Variants in NVL observed in about 807,000 individuals in gnomAD.
NVL encodes the protein nuclear valosin-containing protein-like.
NVL carries 84 observed loss-of-function variants against 110.2 expected under a neutral mutation model. The observed-to-expected ratio is 0.76, with a 90% confidence interval of 0.64 to 0.91. The LOEUF (loss-of-function observed/expected upper bound fraction) is 0.91. Among genes scored for constraint, NVL ranks in the 40% least tolerant of loss-of-function variants. NVL has a pLI of 0.00. For missense variants in NVL, 882 were observed against 1,035.9 expected (o/e 0.85, Z 2.04); for synonymous variants, 354 against 361.1 (o/e 0.98, Z 0.22).
intron 2 of NVL, among the ~76,000 whole-genome samples, chr1:224,324,146 T>C (rs1229293004): frequency 6.6e-6 from 1 of 152,226 alleles, no homozygotes; most frequent in African/African-American, 2.4e-5. Flanking sequence ...CAGCACATTA[T>C]TGTACTAAAT....
At chr1:224,326,886 C>T (rs1671197064) in intron 1 of NVL, among the ~76,000 whole-genome samples, 1 of 152,228 alleles carries the variant, frequency 6.6e-6, no homozygotes, top group East Asian at 1.9e-4. Flanking sequence ...CACCTTTTGG[C>T]TGGGCATGGT....
intron 22 of NVL, among the ~76,000 whole-genome samples, chr1:224,228,943 A>AAG (rs1659535306): frequency 6.6e-6 from 1 of 150,386 alleles, no homozygotes; most frequent in South Asian, 2.1e-4. Context: ...AAAAAAAAAA[A>AAG]AAAGAAATTG....
intron 11 of NVL, 33 bp from the exon 12 acceptor site, chr1:224,294,444 A>G (rs1198159276): frequency 1.2e-6 from 2 of 1,609,330 alleles, no homozygotes; most frequent in Non-Finnish European, 1.7e-6. Context: ...TAGTGAACAA[A>G]GCACTTGACA....
chr1:224,309,739 A>G (rs1669322137), intron 5 of NVL, among the ~76,000 whole-genome samples: 1 of 152,122 alleles, frequency 6.6e-6, no homozygotes, highest in Admixed American at 6.6e-5. Flanking sequence ...TTTAAGAAAT[A>G]AAGTGTATGC....
At chr1:224,248,150 A>T (rs1331186560) in intron 19 of NVL, among the ~76,000 whole-genome samples, 3 of 152,154 alleles carry the variant, frequency 2.0e-5, no homozygotes, top group African/African-American at 7.2e-5. Flanking sequence ...CCAGACCTCT[A>T]ATCCTGGTAG....
chr1:224,233,047 T>A, intron 21 of NVL, 154 bp downstream of exon 21: 1 of 560,694 alleles, frequency 1.8e-6, no homozygotes, highest in Non-Finnish European at 3.1e-6. Flanking sequence ...CAACAGAGGT[T>A]ACCTAATATT....
intron 15 of NVL, among the ~76,000 whole-genome samples, chr1:224,281,713 G>A (rs1238592226): frequency 6.6e-6 from 1 of 151,642 alleles, no homozygotes. Flanking sequence ...AGCACTTTGG[G>A]AGGCCGAGGC....
At chr1:224,294,641 AAAT>A (rs1434928172) in intron 11 of NVL, among the ~76,000 whole-genome samples, 4 of 152,204 alleles carry the variant, frequency 2.6e-5, no homozygotes, top group Non-Finnish European at 5.9e-5. Context: ...TTGAGTGTGT[AAAT>A]AAAAAAATGG....
chr1:224,292,853 C>G (rs1339125628), intron 12 of NVL, among the ~76,000 whole-genome samples: 2 of 151,790 alleles, frequency 1.3e-5, no homozygotes, highest in Non-Finnish European at 2.9e-5. Flanking sequence ...CAGGTTCAAG[C>G]GATTCCCCTA....
intron 17 of NVL, among the ~76,000 whole-genome samples, chr1:224,268,872 G>A (rs1227653192): frequency 1.3e-5 from 2 of 150,850 alleles, no homozygotes; most frequent in Admixed American, 6.6e-5. Flanking sequence ...TGGTCAGGCT[G>A]GTCTTCAAAC....
rs972036348 is a variant in NVL, at chr1:224,289,718, C to A, written c.1341G>T (p.Leu447Phe). 1 of 1,613,692 alleles carries A rather than the reference C, an allele frequency of 6.2e-7. No homozygotes were observed. The highest frequency in any genetic ancestry group is 1.3e-5 in the African/African-American group (1 of 75,026). The change falls in exon 13 of 23, where the codon TTG becomes TTT. Residue 447 changes from leucine (L) to phenylalanine (F), a missense_variant. Physicochemically the swap from Leu to Phe is conservative, Grantham distance 22 (BLOSUM62 0). This residue lies in a region of NVL where 416 missense variants were observed against 499.3 expected (regional missense o/e 0.83). Transcript: ENST00000281701. ...EASRERILQTLCRKLRLPQAF... is the reference protein window; with the variant it reads ...EASRERILQTFCRKLRLPQAF... ...CTTGAGGAAGCCTCAGTTTTCTGCA[C>A]AATGTTTGAAGTATTCTGTAGAAAA...
Position 224,248,055 on chromosome 1 carries a change from T to C in NVL, c.2289+2157A>G, listed in dbSNP as rs114082858. Among the ~76,000 whole-genome samples the C allele has an allele frequency of 8.4e-3, 1,272 of 152,268 alleles. 14 individuals are homozygous for C. The highest frequency in any genetic ancestry group is 0.029 in the African/African-American group (1,211 of 41,576). ...CTATAGCCCAGCCAGAGGACTCTCC[T>C]GAACTCCCAACCACAGACCCAACAT... is the stretch of plus-strand genomic sequence containing the variant. On this transcript the variant is annotated intron_variant, in intron 19 of 22. Coordinates refer to ENST00000281701, the MANE Select transcript of NVL (RefSeq NM_002533.4).
intron 18 of NVL, among the ~76,000 whole-genome samples, chr1:224,264,456 C>CA (rs1201808960): frequency 6.6e-6 from 1 of 152,046 alleles, no homozygotes; most frequent in East Asian, 1.9e-4. Flanking sequence ...CCATGTTGAG[C>CA]AGGCTGGTCT....
intron 17 of NVL, among the ~76,000 whole-genome samples, chr1:224,274,673 T>C (rs1398379936): frequency 6.6e-6 from 1 of 152,122 alleles, no homozygotes; most frequent in Admixed American, 6.6e-5. Flanking sequence ...AAAATAGCAG[T>C]TGCTATCTGC....
intron 12 of NVL, among the ~76,000 whole-genome samples, chr1:224,292,749 A>G (rs1244902330): frequency 1.3e-5 from 2 of 151,758 alleles, no homozygotes; most frequent in East Asian, 3.9e-4. Flanking sequence ...TCCTCATTAA[A>G]TACCTTTTTT....
At position 224,245,310 on chromosome 1, in the gene NVL, C is replaced by T. The variant is rs1046454968; in HGVS notation, c.2289+4902G>A. Among the ~76,000 whole-genome samples, 8 of 152,198 alleles carry T rather than the reference C, an allele frequency of 5.3e-5. No homozygotes were observed. The East Asian group carries it at 1.3e-3, about 26-fold the overall frequency. On this transcript the variant is annotated intron_variant, in intron 19 of 22. Coordinates refer to ENST00000281701, the MANE Select transcript of NVL (RefSeq NM_002533.4). The stretch of plus-strand genomic sequence containing the variant: ...TCTGAAATTAGATATTGTGCTTCCT[C>T]TTCCTCTCAATCTGCCCTGCTTTAG...
At chr1:224,294,847 A>G (rs1341689427) in intron 11 of NVL, among the ~76,000 whole-genome samples, 2 of 152,222 alleles carry the variant, frequency 1.3e-5, no homozygotes, top group African/African-American at 2.4e-5. Flanking sequence ...TATGTAGAAG[A>G]AAGAGTATTA....
intron 19 of NVL, among the ~76,000 whole-genome samples, chr1:224,244,548 T>G (rs992499745): frequency 1.3e-5 from 2 of 151,186 alleles, no homozygotes; most frequent in African/African-American, 2.4e-5. Context: ...CTCGGCTCAC[T>G]GCAACCTCCA....
chr1:224,319,109 C>A (rs1234710310), intron 2 of NVL, among the ~76,000 whole-genome samples: 8 of 114,828 alleles, frequency 7.0e-5, no homozygotes, highest in African/African-American at 2.7e-4. Flanking sequence ...GAGCCGAGAT[C>A]ACACCACTGC....
Sources: gnomAD v4.1 joint callset for allele counts (sites outside exome capture counted in the v4.1 genomes callset) on GRCh38, gnomAD v4.1.1 for gene constraint, gnomAD v4.1.1 regional missense constraint, MANE v1.5 for transcripts, NCBI Gene and HGNC (gene_info 2026-07-23, HGNC 2026-07-21) for gene names.